Variants in SGIP1 observed in about 807,000 individuals in gnomAD.
The protein encoded by SGIP1 is SH3-containing GRB2-like protein 3-interacting protein 1.
Under a neutral mutation model 107.5 loss-of-function variants are expected in SGIP1, and 38 were observed. The observed-to-expected ratio is 0.35, with a 90% CI of 0.27 to 0.46. The LOEUF is 0.46. Among genes scored for constraint, SGIP1 ranks in the 20% least tolerant of loss-of-function variants. The pLI, the probability that SGIP1 is intolerant of heterozygous loss-of-function variation, is 1.00. For missense variants in SGIP1, 929 were observed against 1,019.5 expected (o/e 0.91, Z 1.21); for synonymous variants, 365 against 366.1 (o/e 1.00, Z 0.03).
chr1:66,717,940 C>T (rs530982046), intron 18 of SGIP1, among the ~76,000 whole-genome samples: 2 of 152,080 alleles, frequency 1.3e-5, no homozygotes, highest in Non-Finnish European at 2.9e-5. Flanking sequence ...GGACAACGAC[C>T]ATGTGTTTTT....
chr1:66,740,618 T>A, intron 22 of SGIP1, 40 bp from the exon 23 acceptor site: 1 of 1,373,220 alleles, frequency 7.3e-7, no homozygotes, highest in Non-Finnish European at 1.0e-6. Flanking sequence ...AAACAAAAAC[T>A]CTTGGATATG....
At chr1:66,732,061 A>C (rs575576675) in intron 20 of SGIP1, among the ~76,000 whole-genome samples, 7 of 152,370 alleles carry the variant, frequency 4.6e-5, no homozygotes, top group Admixed American at 2.6e-4. Context: ...AAATTATCAC[A>C]GACCTATGAC....
At chr1:66,557,390 A>G (rs2058339356) in intron 1 of SGIP1, among the ~76,000 whole-genome samples, 1 of 152,168 alleles carries the variant, frequency 6.6e-6, no homozygotes, top group South Asian at 2.1e-4. Flanking sequence ...ATTGGATGTG[A>G]TGCTTGAAAA....
At chr1:66,659,950 A>AAGAAAG (rs752459188) in intron 7 of SGIP1, among the ~76,000 whole-genome samples, 2 of 43,038 alleles carry the variant, frequency 4.6e-5, no homozygotes, top group African/African-American at 2.5e-4. Flanking sequence ...AAAAGAAAGA[A>AAGAAAG]AAAGAAAGAA....
chr1:66,683,161 A>G (rs1366582070), intron 15 of SGIP1, among the ~76,000 whole-genome samples: 2 of 152,192 alleles, frequency 1.3e-5, no homozygotes, highest in African/African-American at 4.8e-5. Flanking sequence ...AACACCTACC[A>G]TGCATACCAA....
chr1:66,619,644 G>T (rs1365522322), intron 1 of SGIP1, among the ~76,000 whole-genome samples: 1 of 152,248 alleles, frequency 6.6e-6, no homozygotes, highest in Non-Finnish European at 1.5e-5. Context: ...TGGAATGGCA[G>T]GAATACAGGA....
intron 7 of SGIP1, among the ~76,000 whole-genome samples, chr1:66,646,442 AT>A (rs2077683203): frequency 1.3e-5 from 2 of 152,260 alleles, no homozygotes; most frequent in Admixed American, 1.3e-4. Flanking sequence ...TAAATTATTC[AT>A]AACAATGGTT....
chr1:66,709,437 C>T (rs2092758786), intron 18 of SGIP1, among the ~76,000 whole-genome samples: 2 of 152,076 alleles, frequency 1.3e-5, no homozygotes, highest in African/African-American at 2.4e-5. Flanking sequence ...CATTTACTGG[C>T]TGCAAAAACA....
intron 1 of SGIP1, among the ~76,000 whole-genome samples, chr1:66,550,842 C>A (rs1394286364): frequency 1.3e-5 from 2 of 152,070 alleles, no homozygotes; most frequent in East Asian, 3.9e-4. Context: ...CAGGCACATT[C>A]AAGGTGGTAT....
At chr1:66,661,708 G>A (rs996590549) in intron 8 of SGIP1, among the ~76,000 whole-genome samples, 31 of 151,958 alleles carry the variant, frequency 2.0e-4, no homozygotes, top group Admixed American at 1.9e-3. Context: ...ATTTATTCTT[G>A]TAGACCCTGA....
At chr1:66,727,409 G>C (rs1279835596) in intron 19 of SGIP1, among the ~76,000 whole-genome samples, 1 of 152,150 alleles carries the variant, frequency 6.6e-6, no homozygotes, top group Admixed American at 6.5e-5. Context: ...ACCAAGTGTT[G>C]GTGAGAATGT....
chr1:66,625,861 A>G lies in SGIP1; in HGVS notation c.25A>G (p.Thr9Ala). 6.2e-7 allele frequency: 1 copy of G among 1,612,390 alleles called. No homozygotes were observed. The highest frequency in any genetic ancestry group is 8.5e-7 in the Non-Finnish European group (1 of 1,178,994). ...TTTTCCCACAGGATTGAAAAAACGT[A>G]CAAGGAAGGCCTTTGGAATACGGAA... is the stretch of plus-strand genomic sequence containing the variant. MMEGLKKRTRKAFGIRKKE... is the reference protein window; with the variant it reads MMEGLKKRARKAFGIRKKE... The change falls in exon 2 of 25, where the codon ACA becomes GCA. Residue 9 changes from threonine (T) to alanine (A), a missense_variant. Transcript: ENST00000371037.
chr1:66,740,673 G>A lies in SGIP1; in HGVS notation c.2250G>A (p.Gln750=), dbSNP rs2094421220. The change falls in exon 23 of 25, where the codon CAG becomes CAA. Residue 750 remains glutamine, a synonymous_variant. Transcript: ENST00000371037. ...TTATTTTTAGGAATGCTGAACAACA[G>A]AGAATATTGTGGAAGATTCCTGATA... is the stretch of plus-strand genomic sequence containing the variant. ...LPPAVWNAEQ[Q]RILWKIPDIS... The A allele has an allele frequency of 6.2e-7, 1 of 1,607,730 alleles. No homozygotes were observed.
At chr1:66,604,429 C>T (rs950309977) in intron 1 of SGIP1, among the ~76,000 whole-genome samples, 4 of 152,040 alleles carry the variant, frequency 2.6e-5, no homozygotes, top group Admixed American at 1.3e-4. Context: ...AGTCAAATAA[C>T]GTGAAAATAC....
chr1:66,750,032 T>TGG lies in SGIP1; in HGVS notation c.*6941_*6942dup, dbSNP rs751453805. ...CTCTCTCTCTTTCTCTGTGTGTGTG[T>TGG]GGGGGTGTGTGTGTGTGTGTGTGTG... On this transcript the variant is annotated 3_prime_UTR_variant, in exon 25 of 25. Coordinates refer to ENST00000371037, the MANE Select transcript of SGIP1 (RefSeq NM_032291.4). 9.4e-3 allele frequency among the ~76,000 whole-genome samples: 842 copies of TGG among 89,620 alleles called. 12 individuals are homozygous for TGG. Among genetic ancestry groups the TGG allele is most frequent in the African/African-American group, 0.039 (753 of 19,488 alleles). The allele number at this position is 89,620 out of a possible 152,430, so 58.8% of individuals were successfully genotyped here.
At chr1:66,666,493 T>C (rs2082569217) in intron 8 of SGIP1, 1 of 153,512 alleles carries the variant, frequency 6.5e-6, no homozygotes, top group Non-Finnish European at 1.5e-5. Context: ...AAGTAGTTTT[T>C]TCCAGTTTTG....
intron 1 of SGIP1, among the ~76,000 whole-genome samples, chr1:66,582,252 T>C (rs1385200597): frequency 6.6e-6 from 1 of 152,102 alleles, no homozygotes; most frequent in Non-Finnish European, 1.5e-5. Flanking sequence ...GGATAGATAA[T>C]GTAAAACATT....
At chr1:66,664,225 A>C (rs1461912702) in intron 8 of SGIP1, among the ~76,000 whole-genome samples, 4 of 152,228 alleles carry the variant, frequency 2.6e-5, no homozygotes. Flanking sequence ...ATTTAAGCAC[A>C]GAAATAGGTA....
intron 1 of SGIP1, among the ~76,000 whole-genome samples, chr1:66,559,164 CA>C (rs1376093950): frequency 6.6e-6 from 1 of 151,944 alleles, no homozygotes; most frequent in Non-Finnish European, 1.5e-5. Flanking sequence ...AAACATGTAC[CA>C]ATCTTGTTTA....
Sources: allele counts gnomAD v4.1 joint callset (sites outside exome capture counted in the v4.1 genomes callset), GRCh38; gene constraint gnomAD v4.1.1; transcripts MANE v1.5; gene names NCBI Gene and HGNC (gene_info 2026-07-23, HGNC 2026-07-21).